Variants in ATG4A observed in about 807,000 individuals in gnomAD.
ATG4A encodes the protein cysteine protease ATG4A.
A neutral mutation model predicts 38.4 loss-of-function variants in ATG4A; 22 were observed. The observed-to-expected ratio is 0.57, with a 90% CI of 0.41 to 0.82. ATG4A has a LOEUF of 0.82. Ranked by LOEUF, ATG4A falls within the 40% of genes least tolerant of loss-of-function variation. The probability of loss-of-function intolerance (pLI) is 0.00; values close to 1 mark genes in which losing one functional copy is unlikely to be tolerated. For synonymous variants in ATG4A, 86 were observed against 100.7 expected (o/e 0.85, Z 0.88); for missense variants, 220 against 290.0 (o/e 0.76, Z 1.75).
At chrX:108,114,234 G>A (rs2064238) in intron 1 of ATG4A, among the ~76,000 whole-genome samples, 17,359 of 110,431 alleles carry the variant, frequency 0.16, 1,371 homozygotes, top group East Asian at 0.55. Flanking sequence ...CTTATTAAAC[G>A]CTTAGTTTGG....
rs192661277 is a variant in ATG4A, at chrX:108,110,879, C to G, written c.11-15198C>G. ...TATTTTTGTCTTCTTTAATTTCTTT[C>G]AGGAATATTTTGTAGTTTCTCATTG... On this transcript the variant is annotated intron_variant, in intron 1 of 12. Coordinates refer to ENST00000372232, the MANE Select transcript of ATG4A (RefSeq NM_052936.5). 3.5e-3 allele frequency among the ~76,000 whole-genome samples: 385 copies of G among 111,507 alleles called. 2 individuals carry two copies. Among genetic ancestry groups the G allele is most frequent in the African/African-American group, 0.012 (372 of 30,635 alleles).
intron 9 of ATG4A, among the ~76,000 whole-genome samples, chrX:108,141,958 T>C (rs771303824): frequency 1.8e-5 from 2 of 111,554 alleles, no homozygotes; most frequent in Non-Finnish European, 3.8e-5. Flanking sequence ...TGGATGATGA[T>C]TAGATAAATA....
At chrX:108,141,084 A>ACG (rs1185363711) in intron 9 of ATG4A, among the ~76,000 whole-genome samples, 1,478 of 75,048 alleles carry the variant, frequency 0.02, 38 homozygotes, top group Non-Finnish European at 0.031. Flanking sequence ...ATATATATAT[A>ACG]TATATATATA....
At chrX:108,141,260 C>A (rs1270407502) in intron 9 of ATG4A, among the ~76,000 whole-genome samples, 2 of 104,563 alleles carry the variant, frequency 1.9e-5, no homozygotes, top group African/African-American at 3.5e-5. Flanking sequence ...GCCACCATGG[C>A]CACTTTGTTC....
upstream of ATG4A, among the ~76,000 whole-genome samples, chrX:108,090,265 C>A (rs2031567533): frequency 8.9e-6 from 1 of 111,927 alleles, no homozygotes; most frequent in African/African-American, 3.3e-5. Flanking sequence ...AACTGTCTCC[C>A]AAATGTCTTT....
At chrX:108,093,436 G>GAT (rs1417523870) in intron 1 of ATG4A, among the ~76,000 whole-genome samples, 1 of 111,700 alleles carries the variant, frequency 9.0e-6, no homozygotes, top group Non-Finnish European at 1.9e-5. Flanking sequence ...CCATTTTATG[G>GAT]ATATAACACA....
rs182591451 is a variant in ATG4A, at chrX:108,146,248, A to G, written c.815-3904A>G. 6.9e-4 allele frequency among the ~76,000 whole-genome samples: 77 copies of G among 112,062 alleles called. 1 individual carries two copies. Among genetic ancestry groups the G allele is most frequent in the African/African-American group, 2.4e-3 (75 of 30,847 alleles). The stretch of plus-strand genomic sequence containing the variant: ...GTGATTCTCTGTTTCTGTAATTCAA[A>G]TTAGTCTTTTGTGCATTCGACCTAG... On this transcript the variant is annotated intron_variant, in intron 9 of 12. Transcript: ENST00000372232.
At chrX:108,131,187 C>T in intron 3 of ATG4A, 73 bp from the exon 4 acceptor site, 1 of 950,473 alleles carries the variant, frequency 1.1e-6, no homozygotes, top group Non-Finnish European at 1.5e-6. Flanking sequence ...TTGTGTGAGT[C>T]CCAAATATGC....
At chrX:108,138,741 G>A (rs1466647628) in intron 9 of ATG4A, among the ~76,000 whole-genome samples, 1 of 112,236 alleles carries the variant, frequency 8.9e-6, no homozygotes, top group Non-Finnish European at 1.9e-5. Flanking sequence ...TTACTCACTA[G>A]CTGTGACCAG....
At chrX:108,102,524 C>T (rs1179206436) in intron 1 of ATG4A, among the ~76,000 whole-genome samples, 1 of 111,686 alleles carries the variant, frequency 9.0e-6, no homozygotes, top group African/African-American at 3.3e-5. Flanking sequence ...TTCCTTTGCT[C>T]TACTGAAGCT....
upstream of ATG4A, among the ~76,000 whole-genome samples, chrX:108,090,390 TGACTG>T (rs1223633482): frequency 1.5e-4 from 17 of 112,184 alleles, no homozygotes; most frequent in African/African-American, 5.5e-4. Flanking sequence ...GCCACTGACT[TGACTG>T]AAGAATGGTT....
chrX:108,149,768 A>G (rs2033535926), intron 9 of ATG4A, among the ~76,000 whole-genome samples: 1 of 112,158 alleles, frequency 8.9e-6, no homozygotes, highest in South Asian at 3.7e-4. Context: ...TTCCAATGTC[A>G]AAAGAGGCAG....
intron 1 of ATG4A, among the ~76,000 whole-genome samples, chrX:108,106,676 A>G (rs1237218004): frequency 8.9e-6 from 1 of 112,213 alleles, no homozygotes; most frequent in Non-Finnish European, 1.9e-5. Context: ...ATTTAGATTG[A>G]CAGTTCTTTT....
intron 1 of ATG4A, among the ~76,000 whole-genome samples, chrX:108,104,174 T>TA (rs1418292698): frequency 8.9e-6 from 1 of 112,672 alleles, no homozygotes; most frequent in Non-Finnish European, 1.9e-5. Flanking sequence ...ATACTAAAAT[T>TA]AAAAGTGATT....
chrX:108,145,789 G>T (rs968093965), intron 9 of ATG4A, among the ~76,000 whole-genome samples: 1 of 112,308 alleles, frequency 8.9e-6, no homozygotes, highest in South Asian at 3.7e-4. Context: ...CAATGTAGGG[G>T]TTCTACCAGC....
At chrX:108,126,247 G>T in intron 2 of ATG4A, 60 bp downstream of exon 2, 2 of 849,150 alleles carry the variant, frequency 2.4e-6, no homozygotes, top group South Asian at 2.2e-5. Context: ...TGTGGTTCAG[G>T]GTTTGTACTT....
rs922607645 is a variant in ATG4A at position 108,128,844 on chromosome X, C to T, written c.185C>T (p.Ser62Leu). The T allele has an allele frequency of 1.4e-5, 16 of 1,180,808 alleles. No individual in the cohort carries two copies. Among genetic ancestry groups the T allele is most frequent in the East Asian group, 9.2e-5 (3 of 32,664 alleles). ...TGGTTTACATACAGAAGGAAATTTT[C>T]ACCAATTGGTAGGTAAATCATTTGT... ...RLWFTYRRKF[S>L]PIGGTGPSSD... Residue 62 changes from serine to leucine, a missense_variant, in exon 3 of 13, where the codon TCA becomes TTA. Ser to Leu is a moderately radical substitution (Grantham distance 145). Coordinates refer to ENST00000372232, the MANE Select transcript of ATG4A (RefSeq NM_052936.5).
At chrX:108,125,324 TGTCAGGAACCAGG>T (rs1430222365) in intron 1 of ATG4A, among the ~76,000 whole-genome samples, 2 of 110,061 alleles carry the variant, frequency 1.8e-5, no homozygotes, top group Non-Finnish European at 3.8e-5. Flanking sequence ...AGGAGCTCTA[TGTCAGGAACCAGG>T]GAGAAAGGCC....
At chrX:108,119,349 G>A (rs1268101917) in intron 1 of ATG4A, among the ~76,000 whole-genome samples, 1 of 111,648 alleles carries the variant, frequency 9.0e-6, no homozygotes, top group Non-Finnish European at 1.9e-5. Context: ...GTGACTAGTG[G>A]CTACTGTATT....
Sources: allele counts gnomAD v4.1 joint callset (sites outside exome capture counted in the v4.1 genomes callset), GRCh38; gene constraint gnomAD v4.1.1; transcripts MANE v1.5; gene names NCBI Gene and HGNC (gene_info 2026-07-23, HGNC 2026-07-21).